USP49: variants seen among roughly 807,000 people sequenced by gnomAD.
USP49 encodes the protein ubiquitin carboxyl-terminal hydrolase 49.
USP49 carries 24 observed loss-of-function variants against 58.6 expected under a neutral mutation model. That is an observed-to-expected ratio of 0.41 (90% CI 0.30 to 0.58). The LOEUF (loss-of-function observed/expected upper bound fraction) is 0.58. Among genes scored for constraint, USP49 ranks in the 20% least tolerant of loss-of-function variants. The pLI is 0.30. For synonymous variants in USP49, 408 were observed against 365.1 expected (o/e 1.12, Z -1.34); for missense variants, 703 against 866.1 (o/e 0.81, Z 2.36).
chr6:41,870,886 T>A (rs1006638187), intron 3 of USP49, among the ~76,000 whole-genome samples: 1 of 151,594 alleles, frequency 6.6e-6, no homozygotes, highest in Non-Finnish European at 1.5e-5. Flanking sequence ...ACCCCGTTTC[T>A]ACAAAAATAC....
chr6:41,826,931 C>T (rs995915440), intron 3 of USP49, among the ~76,000 whole-genome samples: 1 of 152,192 alleles, frequency 6.6e-6, no homozygotes, highest in African/African-American at 2.4e-5. Flanking sequence ...AGTCCCCCAA[C>T]TAAAAAATAC....
At chr6:41,831,963 G>C (rs1489896303) in intron 3 of USP49, among the ~76,000 whole-genome samples, 4 of 152,134 alleles carry the variant, frequency 2.6e-5, no homozygotes, top group African/African-American at 9.7e-5. Context: ...TCAAAAGCCA[G>C]CTTAGGTCCT....
At position 41,798,822 on chromosome 6, in the gene USP49, T is replaced by C; in HGVS notation, c.1778A>G (p.Lys593Arg). 1 of 1,613,948 alleles carries C rather than the reference T, an allele frequency of 6.2e-7. No homozygotes were observed. Among genetic ancestry groups the C allele is most frequent in the South Asian group, 1.1e-5 (1 of 91,046 alleles). Residue 593 changes from lysine to arginine, a missense_variant, in exon 7 of 8, where the codon AAA (lysine) becomes AGA (arginine). Coordinates refer to ENST00000682992, the MANE Select transcript of USP49 (RefSeq NM_001286554.2). ...GGAGAGATCATAGGCAAAGGTCTCT[T>C]TGTCAAGAGAGGAGAGCATGTCCCT... ...CCRDMLSSLDKETFAYDLSAV... is the reference protein window; with the variant it reads ...CCRDMLSSLDRETFAYDLSAV...
At position 41,807,011 on chromosome 6, in the gene USP49, C is replaced by G. The variant is rs369700968; in HGVS notation, c.-28G>C. ...CTTATAGAAGTCGCCACTTTCTCAA[C>G]CTGGCACGACAGAGTCCCCAAAAAA... On this transcript the variant is annotated splice_region_variant and 5_prime_UTR_variant, in exon 4 of 8. Coordinates refer to ENST00000682992, the MANE Select transcript of USP49 (RefSeq NM_001286554.2). 1.4e-6 allele frequency: 2 copies of G among 1,392,170 alleles called. No individual in the cohort carries two copies. The highest frequency in any genetic ancestry group is 1.9e-6 in the Non-Finnish European group (2 of 1,061,704). The allele number at this position is 1,392,170 out of a possible 1,614,324, so 86.2% of individuals were successfully genotyped here.
intron 1 of USP49, chr6:41,894,262 C>T (rs1192442021): frequency 2.0e-5 from 3 of 152,436 alleles, no homozygotes; most frequent in African/African-American, 7.2e-5. Context: ...CGTAATTACC[C>T]AGTTATCCTT....
At chr6:41,826,731 G>A (rs1402180593) in intron 3 of USP49, among the ~76,000 whole-genome samples, 5 of 152,114 alleles carry the variant, frequency 3.3e-5, no homozygotes, top group Admixed American at 1.3e-4. Flanking sequence ...GAGTTCTGGG[G>A]CCCCCCAAAC....
chr6:41,855,946 G>A (rs1774122531), intron 3 of USP49, among the ~76,000 whole-genome samples: 1 of 152,154 alleles, frequency 6.6e-6, no homozygotes, highest in Non-Finnish European at 1.5e-5. Flanking sequence ...TACTAGGGGG[G>A]CTGAGGCAGG....
intron 3 of USP49, among the ~76,000 whole-genome samples, chr6:41,839,137 T>G (rs1773776876): frequency 6.6e-6 from 1 of 151,760 alleles, no homozygotes; most frequent in Non-Finnish European, 1.5e-5. Flanking sequence ...CCTGGTGTGG[T>G]GGTTCATGCC....
In USP49 at chr6:41,895,309, GC is replaced by G. The variant is rs1774880321; in HGVS notation, c.-185+14del. On this transcript the variant is annotated intron_variant, in intron 1 of 7. Coordinates refer to ENST00000682992, the MANE Select transcript of USP49 (RefSeq NM_001286554.2). ...CCCACCTCCTCCGTCCCCTCCCCCG[GC>G]CCCCTCTATTTACCGCCATCATCAG... 1 of 90,894 alleles carries G rather than the reference GC, an allele frequency of 1.1e-5. No homozygotes were observed. The highest frequency in any genetic ancestry group is 2.2e-5 in the Non-Finnish European group (1 of 44,778). 5.6% of individuals were successfully genotyped at this position (90,894 alleles called of 1,614,324 possible). A position where few individuals can be genotyped will look rare whatever the true frequency, so the allele number is the denominator to read the frequency against.
intron 2 of USP49, among the ~76,000 whole-genome samples, chr6:41,872,443 G>A (rs565170504): frequency 1.3e-4 from 20 of 152,268 alleles, no homozygotes; most frequent in Admixed American, 1.1e-3. Context: ...AGTGAGGAGT[G>A]CCTCTGCGCG....
At chr6:41,891,566 A>G (rs1404351674) in intron 2 of USP49, among the ~76,000 whole-genome samples, 1 of 152,220 alleles carries the variant, frequency 6.6e-6, no homozygotes, top group African/African-American at 2.4e-5. Flanking sequence ...TAAGTTTATG[A>G]AGAACTAAGG....
At chr6:41,844,440 A>C (rs1265803832) in intron 3 of USP49, among the ~76,000 whole-genome samples, 11 of 151,316 alleles carry the variant, frequency 7.3e-5, no homozygotes, top group Admixed American at 3.3e-4. Flanking sequence ...CAGTCTCCCC[A>C]GTAGCTGGGA....
In USP49 at chr6:41,803,488, G is replaced by T. The variant is rs1381424536; in HGVS notation, c.1561+318C>A. Among the ~76,000 whole-genome samples the T allele has an allele frequency of 1.3e-5, 2 of 152,172 alleles. No homozygotes were observed. Among genetic ancestry groups the T allele is most frequent in the Admixed American group, 1.3e-4 (2 of 15,278 alleles). On this transcript the variant is annotated intron_variant, in intron 5 of 7. Transcript: ENST00000682992. The surrounding 1 kb of genome is among the most constrained non-coding windows in gnomAD (Gnocchi z 4.1). ...CCAGCTAATTTTTGTATTTTTAGTAGAGACAGGGTTTCACCATGTTGGTCA... is the reference window on the plus strand; with the variant it reads ...CCAGCTAATTTTTGTATTTTTAGTATAGACAGGGTTTCACCATGTTGGTCA...
intron 3 of USP49, among the ~76,000 whole-genome samples, chr6:41,809,826 C>CA (rs1019066431): frequency 4.0e-5 from 6 of 150,052 alleles, no homozygotes; most frequent in African/African-American, 1.2e-4. Context: ...GACTCCGTCT[C>CA]AAAAAATAAA....
At chr6:41,818,015 GA>G (rs2127332162) in intron 3 of USP49, among the ~76,000 whole-genome samples, 1 of 152,196 alleles carries the variant, frequency 6.6e-6, no homozygotes, top group East Asian at 1.9e-4. Flanking sequence ...TGAAACTACT[GA>G]ACATGTTTTG....
At chr6:41,827,358 C>A (rs1773557255) in intron 3 of USP49, among the ~76,000 whole-genome samples, 1 of 152,068 alleles carries the variant, frequency 6.6e-6, no homozygotes, top group Non-Finnish European at 1.5e-5. Context: ...TTTAAGATTT[C>A]TCCAAGTAGA....
chr6:41,844,309 GTTTC>G (rs1298477952), intron 3 of USP49, among the ~76,000 whole-genome samples: 1 of 151,980 alleles, frequency 6.6e-6, no homozygotes. Flanking sequence ...GTATGTTGCA[GTTTC>G]TTTCTTTTTT....
chr6:41,865,231 G>A (rs1406265435), intron 3 of USP49, among the ~76,000 whole-genome samples: 1 of 151,988 alleles, frequency 6.6e-6, no homozygotes, highest in Non-Finnish European at 1.5e-5. Flanking sequence ...TTTTTGTAGA[G>A]ACGGGGTTTC....
At chr6:41,826,198 T>C (rs924419020) in intron 3 of USP49, among the ~76,000 whole-genome samples, 2 of 151,950 alleles carry the variant, frequency 1.3e-5, no homozygotes, top group Non-Finnish European at 2.9e-5. Flanking sequence ...CCAGGAGGCA[T>C]AGAGGCTGCA....
Sources: allele counts gnomAD v4.1 joint callset (sites outside exome capture counted in the v4.1 genomes callset), GRCh38; gene constraint gnomAD v4.1.1; non-coding constraint Gnocchi (gnomAD v3.1); transcripts MANE v1.5; gene names NCBI Gene and HGNC (gene_info 2026-07-23, HGNC 2026-07-21).